HSPG2: variants seen among roughly 807,000 people sequenced by gnomAD.
HSPG2 encodes basement membrane-specific heparan sulfate proteoglycan core protein.
In HSPG2, 278 loss-of-function variants were observed where a neutral mutation model predicts 526.6. That is an observed-to-expected ratio of 0.53 (90% confidence interval 0.48 to 0.58). The LOEUF is 0.58. Among genes scored for constraint, HSPG2 ranks in the 20% least tolerant of loss-of-function variants. The probability of loss-of-function intolerance (pLI) is 0.00; values close to 1 mark genes in which losing one functional copy is unlikely to be tolerated. For synonymous variants in HSPG2, 2,465 were observed against 2,555.4 expected, an observed-to-expected ratio of 0.96 and a Z score of 1.07; for missense variants, 5,354 against 6,099.5, an observed-to-expected ratio of 0.88 and a Z score of 4.07.
chr1:21,914,375 A>T (rs1216063760), intron 1 of HSPG2, among the ~76,000 whole-genome samples: 1 of 148,830 alleles, frequency 6.7e-6, no homozygotes, highest in African/African-American at 2.5e-5. Context: ...CAGCATCTAT[A>T]AAGACCCCAG....
intron 1 of HSPG2, among the ~76,000 whole-genome samples, chr1:21,919,348 C>T (rs1189122511): frequency 6.6e-6 from 1 of 151,404 alleles, no homozygotes; most frequent in Non-Finnish European, 1.5e-5. Flanking sequence ...ATCGCTTGAA[C>T]TCAGGAGGCG....
At chr1:21,889,792 T>C in intron 6 of HSPG2, 189 bp downstream of exon 6, 1 of 645,546 alleles carries the variant, frequency 1.5e-6, no homozygotes, top group South Asian at 1.9e-5. Flanking sequence ...CTAACGGGTA[T>C]GTGCTAGAGG....
At chr1:21,845,370 G>A (rs973853769) in intron 64 of HSPG2, among the ~76,000 whole-genome samples, 2 of 152,192 alleles carry the variant, frequency 1.3e-5, no homozygotes, top group African/African-American at 4.8e-5. Context: ...TAATAAAGAT[G>A]TTTATTTATT....
At chr1:21,853,848 A>G (rs1042252031) in intron 50 of HSPG2, 5 of 353,764 alleles carry the variant, frequency 1.4e-5, no homozygotes, top group Non-Finnish European at 2.7e-5. Context: ...GCTCCATTTC[A>G]TAGATGAATC....
At chr1:21,827,739 GTC>G (rs1444163808) in intron 91 of HSPG2, 122 bp downstream of exon 91, 6 of 1,045,730 alleles carry the variant, frequency 5.7e-6, no homozygotes, top group African/African-American at 4.7e-5. Flanking sequence ...TCTTCATTCT[GTC>G]TCTCTGCCCA....
chr1:21,860,297 A>C (rs1312668936), intron 39 of HSPG2, 62 bp from the exon 40 acceptor site: 5 of 1,495,526 alleles, frequency 3.3e-6, no homozygotes, highest in Non-Finnish European at 4.6e-6. Context: ...CTCATGGTGG[A>C]CTTGGGGAGC....
intron 13 of HSPG2, among the ~76,000 whole-genome samples, chr1:21,884,209 A>C (rs1641705140): frequency 6.6e-6 from 1 of 152,136 alleles, no homozygotes; most frequent in Admixed American, 6.5e-5. Flanking sequence ...AGATGACGAA[A>C]CAGACACGAG....
intron 3 of HSPG2, among the ~76,000 whole-genome samples, chr1:21,892,536 G>A (rs780792446): frequency 6.6e-6 from 1 of 152,256 alleles, no homozygotes; most frequent in Non-Finnish European, 1.5e-5. Context: ...CCTGCAGCTG[G>A]TGCCTGAGCA....
intron 40 of HSPG2, 79 bp downstream of exon 40, chr1:21,860,098 C>T (rs1293812330): frequency 4.4e-6 from 7 of 1,603,196 alleles, no homozygotes; most frequent in Non-Finnish European, 4.3e-6. Flanking sequence ...CAGCCCTGTC[C>T]CCAGACCCAG....
At position 21,847,903 on chromosome 1, in the gene HSPG2, C is replaced by A; in HGVS notation, c.7873+55G>T. On this transcript the variant is annotated intron_variant, in intron 60 of 96. Transcript: ENST00000374695. This position sits in a 1 kb window ranked among gnomAD's most constrained non-coding sequence, Gnocchi z 4.1. ...AGATAACAGTGATGGCACCGGGGACCTCTCTGCCACCCTCTGCGCCACTTG... is the reference window on the plus strand; with the variant it reads ...AGATAACAGTGATGGCACCGGGGACATCTCTGCCACCCTCTGCGCCACTTG... 6.2e-7 allele frequency: 1 copy of A among 1,613,212 alleles called. No homozygotes were observed. The highest frequency in any genetic ancestry group is 8.5e-7 in the Non-Finnish European group (1 of 1,180,000).
At chr1:21,870,713 G>T (rs1304352324) in intron 33 of HSPG2, 1 of 500,976 alleles carries the variant, frequency 2.0e-6, no homozygotes, top group Non-Finnish European at 2.6e-6. Flanking sequence ...GACACCGCCT[G>T]GATTCATGCA....
At chr1:21,903,606 A>T (rs567432139) in intron 1 of HSPG2, among the ~76,000 whole-genome samples, 35 of 152,216 alleles carry the variant, frequency 2.3e-4, no homozygotes, top group Non-Finnish European at 4.4e-4. Flanking sequence ...ATCTCAAAAA[A>T]TAAATAAATA....
chr1:21,857,458 C>G (rs1201170451), intron 42 of HSPG2, 73 bp from the exon 43 acceptor site: 3 of 1,332,316 alleles, frequency 2.3e-6, no homozygotes, highest in Non-Finnish European at 3.2e-6. Flanking sequence ...TTGTCTTTCT[C>G]CATAACCTCT....
rs752727443 is a variant in HSPG2, at chr1:21,841,170, C to A, written c.9444G>T (p.Arg3148=). 1.9e-6 allele frequency: 3 copies of A among 1,613,806 alleles called. No homozygotes were observed. In the South Asian group the frequency reaches 3.3e-5, roughly 18 times the overall value. ...CCAACTTGGCAGGGGTGCTGCTGATCCGGGTCCAACGAGCAGAGGAGCGGG... is the reference window on the plus strand; with the variant it reads ...CCAACTTGGCAGGGGTGCTGCTGATACGGGTCCAACGAGCAGAGGAGCGGG... The part of the protein sequence containing the change: ...GEPRSSARWT[R]ISSTPAKLEQ... The change falls in exon 71 of 97, where the codon CGG becomes CGT. Residue 3148 remains arginine, a synonymous_variant. Coordinates refer to ENST00000374695, the MANE Select transcript of HSPG2 (RefSeq NM_005529.7).
Position 21,874,619 on chromosome 1 carries a change from G to C in HSPG2, c.3525C>G (p.Cys1175Trp). Residue 1175 changes from cysteine (C) to tryptophan (W), a missense_variant, in exon 27 of 97, where the codon TGC becomes TGG. Physicochemically the swap from Cys to Trp is radical, Grantham distance 215. Coordinates refer to ENST00000374695, the MANE Select transcript of HSPG2 (RefSeq NM_005529.7). ...GCGGAAGGAGGGCGGGACTTACCTG[G>C]CAGGCACCTGTTTCTGGCTCGCAGG... is the stretch of plus-strand genomic sequence containing the variant. ...SEACEPETGACQGCQHHTEGP... is the reference protein window; with the variant it reads ...SEACEPETGAWQGCQHHTEGP... 6.2e-7 allele frequency: 1 copy of C among 1,613,908 alleles called. No homozygotes were observed. Among genetic ancestry groups the C allele is most frequent in the Non-Finnish European group, 8.5e-7 (1 of 1,179,920 alleles).
At position 21,895,784 on chromosome 1, in the gene HSPG2, G is replaced by T; in HGVS notation, c.244+138C>A. ...AATCAGTCTGCACAACTGTCACTCAGCAGGTTAAGAGATCACACCCACTTC... is the reference window on the plus strand; with the variant it reads ...AATCAGTCTGCACAACTGTCACTCATCAGGTTAAGAGATCACACCCACTTC... On this transcript the variant is annotated intron_variant, in intron 3 of 96. Coordinates refer to ENST00000374695, the MANE Select transcript of HSPG2 (RefSeq NM_005529.7). This position sits in a 1 kb window ranked among gnomAD's most constrained non-coding sequence, Gnocchi z 4.1. 1.3e-6 allele frequency: 1 copy of T among 797,214 alleles called. No individual in the cohort carries two copies. Among genetic ancestry groups the T allele is most frequent in the Non-Finnish European group, 2.2e-6 (1 of 459,976 alleles). The allele number at this position is 797,214 out of a possible 1,614,324, so 49.4% of individuals were successfully genotyped here. A position where few individuals can be genotyped will look rare whatever the true frequency, so the allele number is the denominator to read the frequency against.
chr1:21,849,289 T>C (rs778924896), intron 57 of HSPG2, among the ~76,000 whole-genome samples: 10 of 152,218 alleles, frequency 6.6e-5, no homozygotes, highest in Non-Finnish European at 1.0e-4. Flanking sequence ...GTTGACATGC[T>C]ACAGGGGAGA....
In HSPG2 at chr1:21,853,055, C is replaced by G. The variant is rs543135354; in HGVS notation, c.6455G>C (p.Arg2152Pro). ...GGAGGAGGGCTCGATGCGGATGGGCCGGGTGCTGCCGGGCACTGGACACAG... is the reference window on the plus strand; with the variant it reads ...GGAGGAGGGCTCGATGCGGATGGGCGGGGTGCTGCCGGGCACTGGACACAG... ...PSYTPVPGST[R>P]PIRIEPSSSH... is the part of the protein sequence containing the mutation. The change falls in exon 51 of 97, where the codon CGG (arginine) becomes CCG (proline). Residue 2152 changes from arginine to proline, a missense_variant. By Grantham distance (103) the Arg-to-Pro change is moderately radical. Coordinates refer to ENST00000374695, the MANE Select transcript of HSPG2 (RefSeq NM_005529.7). 1.2e-6 allele frequency: 2 copies of G among 1,613,694 alleles called. No individual in the cohort carries two copies. The highest frequency in any genetic ancestry group is 1.7e-6 in the Non-Finnish European group (2 of 1,179,936).
intron 1 of HSPG2, among the ~76,000 whole-genome samples, chr1:21,927,463 G>T (rs997014096): frequency 6.6e-6 from 1 of 152,148 alleles, no homozygotes; most frequent in Non-Finnish European, 1.5e-5. Flanking sequence ...AGCTCCCCAG[G>T]CAAGGTCCTG....
Sources: gnomAD v4.1 joint callset for allele counts (sites outside exome capture counted in the v4.1 genomes callset) on GRCh38, gnomAD v4.1.1 for gene constraint, Gnocchi (gnomAD v3.1) non-coding constraint, MANE v1.5 for transcripts, NCBI Gene and HGNC (gene_info 2026-07-23, HGNC 2026-07-21) for gene names.